The following TBC1D8 variants were observed in gnomAD, a reference collection of about 807,000 sequenced individuals.
TBC1D8 encodes the protein TBC1 domain family member 8.
In TBC1D8, 65 loss-of-function variants were observed where a neutral mutation model predicts 118.8. That is an observed-to-expected ratio of 0.55 (90% CI 0.45 to 0.67). TBC1D8 has a LOEUF of 0.67. Among genes scored for constraint, TBC1D8 ranks in the 30% least tolerant of loss-of-function variants. The pLI is 0.00. For synonymous variants in TBC1D8, 566 were observed against 595.8 expected (o/e 0.95, Z 0.73); for missense variants, 1,376 against 1,471.2 (o/e 0.94, Z 1.06).
chr2:101,024,870 G>A (rs759062494), intron 15 of TBC1D8, among the ~76,000 whole-genome samples: 31 of 152,226 alleles, frequency 2.0e-4, no homozygotes, highest in Non-Finnish European at 3.1e-4. Flanking sequence ...AAGCAGCAAC[G>A]ACCGGAAGCA....
intron 1 of TBC1D8, among the ~76,000 whole-genome samples, chr2:101,104,654 T>G (rs1677078757): frequency 6.6e-6 from 1 of 152,308 alleles, no homozygotes; most frequent in African/African-American, 2.4e-5. Context: ...ACACAGACCT[T>G]ACATCTTTCA....
At chr2:101,097,823 G>A (rs747824253) in intron 1 of TBC1D8, among the ~76,000 whole-genome samples, 1 of 152,130 alleles carries the variant, frequency 6.6e-6, no homozygotes, top group African/African-American at 2.4e-5. Flanking sequence ...AGCTATGATT[G>A]ATCACACTGC....
rs1238272238 is a variant in TBC1D8, at chr2:101,022,404, A to G, written c.2638T>C (p.Phe880Leu). 1 of 1,613,056 alleles carries G rather than the reference A, an allele frequency of 6.2e-7. No homozygotes were observed. Among genetic ancestry groups the G allele is most frequent in the African/African-American group, 1.3e-5 (1 of 75,008 alleles). The change falls in exon 16 of 20, where the codon TTT becomes CTT. Residue 880 changes from phenylalanine (F) to leucine (L), a missense_variant. Transcript: ENST00000409318. ...CAGGTCCAGGGCGAGACTAGCTGAA[A>G]CAGGTGTGCAAACTGCCGGGCATCT... ...RIDARQFAHL[F>L]QLVSPWTCGA... is the part of the protein sequence containing the mutation.
At chr2:101,075,838 C>CA (rs1023939719) in intron 2 of TBC1D8, among the ~76,000 whole-genome samples, 4 of 152,020 alleles carry the variant, frequency 2.6e-5, no homozygotes, top group Non-Finnish European at 4.4e-5. Flanking sequence ...ATCTACATAC[C>CA]AAAAAAATCC....
intron 4 of TBC1D8, among the ~76,000 whole-genome samples, chr2:101,050,954 G>A (rs1046940698): frequency 1.3e-5 from 2 of 152,130 alleles, no homozygotes; most frequent in African/African-American, 4.8e-5. Flanking sequence ...TTCTTCCCCT[G>A]TATGTGTCCA....
intron 3 of TBC1D8, among the ~76,000 whole-genome samples, chr2:101,056,672 T>C (rs1280287477): frequency 6.6e-6 from 1 of 152,196 alleles, no homozygotes; most frequent in African/African-American, 2.4e-5. Flanking sequence ...TAATGAGTGC[T>C]GAGCTCTCCC....
At chr2:101,043,713 G>A (rs1392529569) in intron 5 of TBC1D8, among the ~76,000 whole-genome samples, 1 of 152,166 alleles carries the variant, frequency 6.6e-6, no homozygotes, top group African/African-American at 2.4e-5. Context: ...AGGCCGAGCT[G>A]GGCAGATCAC....
intron 2 of TBC1D8, 130 bp downstream of exon 2, chr2:101,090,079 G>T: frequency 2.3e-6 from 2 of 885,218 alleles, no homozygotes; most frequent in Non-Finnish European, 3.4e-6. Flanking sequence ...GTGGAGGGGA[G>T]GGGAGTTAAG....
At position 101,016,227 on chromosome 2, in the gene TBC1D8, G is replaced by GA. The variant is rs897208485; in HGVS notation, c.2828-4688dup. 6.6e-5 allele frequency among the ~76,000 whole-genome samples: 10 copies of GA among 152,100 alleles called. 1 individual carries two copies. In the South Asian group the frequency reaches 8.3e-4, roughly 13 times the overall value. On this transcript the variant is annotated intron_variant, in intron 17 of 19. Coordinates refer to ENST00000409318, the MANE Select transcript of TBC1D8 (RefSeq NM_001330348.2). ...ACAGTGAACTCAAACAAATTTACAA[G>GA]AAAAAAACAAACAACGCCATCAAAA...
At chr2:101,103,148 A>G (rs187450391) in intron 1 of TBC1D8, among the ~76,000 whole-genome samples, 322 of 152,176 alleles carry the variant, frequency 2.1e-3, no homozygotes, top group Non-Finnish European at 2.9e-3. Context: ...CATAAAATGA[A>G]TGATACCATG....
chr2:101,013,417 T>C (rs977950608), intron 17 of TBC1D8, among the ~76,000 whole-genome samples: 5 of 152,264 alleles, frequency 3.3e-5, no homozygotes, highest in African/African-American at 1.2e-4. Flanking sequence ...CATTCCTATA[T>C]ATATGTAGCC....
rs371852883 is a variant in TBC1D8 at position 101,028,434 on chromosome 2, T to C, written c.2223-2A>G. The C allele has an allele frequency of 6.6e-5, 102 of 1,554,862 alleles. No homozygotes were observed. The highest frequency in any genetic ancestry group is 8.7e-5 in the Non-Finnish European group (100 of 1,151,808). On this transcript the variant is annotated splice_acceptor_variant, in intron 12 of 19. Coordinates refer to ENST00000409318, the MANE Select transcript of TBC1D8 (RefSeq NM_001330348.2). LOFTEE classifies it high-confidence loss of function. ...TCATTCTTAATGTGATCTAGAAACC[T>C]GAACACACCGCCCCGTCAACGCCCA...
chr2:101,062,361 G>A (rs984177861), intron 2 of TBC1D8, among the ~76,000 whole-genome samples: 6 of 151,612 alleles, frequency 4.0e-5, no homozygotes, highest in South Asian at 2.1e-4. Context: ...ATGGGACCTC[G>A]ATCTTTTGCT....
At chr2:101,095,244 TTTTC>T (rs1022515824) in intron 1 of TBC1D8, among the ~76,000 whole-genome samples, 8 of 138,668 alleles carry the variant, frequency 5.8e-5, no homozygotes, top group African/African-American at 2.2e-4. Context: ...CAGAGAAGTA[TTTTC>T]TTTATTATTA....
chr2:101,134,871 C>G (rs551407270), intron 1 of TBC1D8, among the ~76,000 whole-genome samples: 3 of 152,194 alleles, frequency 2.0e-5, no homozygotes, highest in Admixed American at 2.0e-4. Context: ...AAGTTAAAAC[C>G]AAACAGAAAA....
intron 12 of TBC1D8, 28 bp downstream of exon 12, chr2:101,029,463 T>C (rs775422545): frequency 9.3e-5 from 148 of 1,597,568 alleles, no homozygotes; most frequent in Non-Finnish European, 1.2e-4. Flanking sequence ...CCATCTCTGG[T>C]TGGCCACAGA....
rs188343814 is a variant in TBC1D8 at position 101,056,589 on chromosome 2, T to A, written c.403-2253A>T. Among the ~76,000 whole-genome samples the A allele has an allele frequency of 1.9e-3, 295 of 152,348 alleles. 2 individuals carry two copies. The highest frequency in any genetic ancestry group is 6.5e-3 in the African/African-American group (269 of 41,586). On this transcript the variant is annotated intron_variant, in intron 3 of 19. Transcript: ENST00000409318. ...TTTTTCTCTATTTCCCACATTTCAT[T>A]TAACAAGACATTATACATTAATGAA... is the stretch of plus-strand genomic sequence containing the variant.
At position 101,088,940 on chromosome 2, in the gene TBC1D8, T is replaced by TA. The variant is rs576763123; in HGVS notation, c.283+1268dup. 4.3e-3 allele frequency among the ~76,000 whole-genome samples: 619 copies of TA among 145,332 alleles called. 2 individuals are homozygous for TA. The highest frequency in any genetic ancestry group is 0.014 in the African/African-American group (572 of 39,868). The stretch of plus-strand genomic sequence containing the variant: ...CAAATACAGAATGATCTGTCTTAAT[T>TA]AAAAAACAAAACAAACTGAAAAAAA... On this transcript the variant is annotated intron_variant, in intron 2 of 19. Transcript: ENST00000409318.
chr2:101,037,385 CT>C, intron 8 of TBC1D8, 146 bp downstream of exon 8: 1 of 1,211,192 alleles, frequency 8.3e-7, no homozygotes, highest in African/African-American at 1.5e-5. Flanking sequence ...TCAGTGGTCA[CT>C]TTTCACCCAT....
Sources: allele counts gnomAD v4.1 joint callset (sites outside exome capture counted in the v4.1 genomes callset), GRCh38; gene constraint gnomAD v4.1.1; transcripts MANE v1.5; gene names NCBI Gene and HGNC (gene_info 2026-07-23, HGNC 2026-07-21).